MYH15: variants seen among roughly 807,000 people sequenced by gnomAD.
MYH15 encodes myosin heavy chain 15, also known as myosin-15.
A neutral mutation model predicts 240.5 loss-of-function variants in MYH15; 227 were observed. That is an observed-to-expected ratio of 0.94 (90% CI 0.85 to 1.05). The LOEUF is 1.05. MYH15 is among the 50% of genes least tolerant of loss of function. The pLI is 0.00. For synonymous variants in MYH15, 785 were observed against 796.7 expected (o/e 0.99, Z 0.25); for missense variants, 2,217 against 2,247.5 (o/e 0.99, Z 0.27).
chr3:108,442,256 C>A (rs752324148), intron 22 of MYH15, among the ~76,000 whole-genome samples: 1 of 152,200 alleles, frequency 6.6e-6, no homozygotes, highest in South Asian at 2.1e-4. Flanking sequence ...AGGTAAAAAT[C>A]CAGGCTATTG....
chr3:108,507,254 T>TAG (rs2083485189), intron 1 of MYH15, among the ~76,000 whole-genome samples: 1 of 46,964 alleles, frequency 2.1e-5, no homozygotes, highest in Non-Finnish European at 6.1e-5. Flanking sequence ...TATATATATA[T>TAG]ATATATATAT....
At chr3:108,412,925 T>C (rs931146368) in intron 30 of MYH15, among the ~76,000 whole-genome samples, 7 of 152,372 alleles carry the variant, frequency 4.6e-5, no homozygotes, top group African/African-American at 1.7e-4. Flanking sequence ...GACAAAGTTT[T>C]ATTTATTCTA....
intron 18 of MYH15, 90 bp downstream of exon 18, chr3:108,459,272 G>A: frequency 1.2e-6 from 1 of 805,104 alleles, no homozygotes. Context: ...TATATAAAAG[G>A]CACCAATAAA....
intron 1 of MYH15, among the ~76,000 whole-genome samples, chr3:108,529,044 T>A (rs147071614): frequency 0.012 from 1,809 of 152,290 alleles, 40 homozygotes; most frequent in African/African-American, 0.042. Context: ...TGAAATCACA[T>A]GAAGTGTTTT....
chr3:108,437,425 A>T, intron 25 of MYH15, 129 bp downstream of exon 25: 1 of 1,215,788 alleles, frequency 8.2e-7, no homozygotes, highest in Non-Finnish European at 1.1e-6. Context: ...ATTGTTTCCT[A>T]GGCTTGTTAT....
chr3:108,405,504 T>C (rs769432205), intron 32 of MYH15, 51 bp from the exon 33 acceptor site: 15 of 1,216,676 alleles, frequency 1.2e-5, no homozygotes, highest in Middle Eastern at 2.2e-4. Flanking sequence ...TTAGACAAAA[T>C]TGTATTTTTT....
rs759703539 is a variant in MYH15, at chr3:108,405,308, A to C, written c.4736+30T>G. ...TTAGTCAAGGATTCAGAAATACATAATTGTTACACATCAAAATCATCTTAA... is the reference window on the plus strand; with the variant it reads ...TTAGTCAAGGATTCAGAAATACATACTTGTTACACATCAAAATCATCTTAA... On this transcript the variant is annotated intron_variant, in intron 33 of 40. Transcript: ENST00000693548. 8 of 1,317,672 alleles carry C rather than the reference A, an allele frequency of 6.1e-6. No homozygotes were observed. In the Admixed American group the frequency reaches 1.4e-4, roughly 24 times the overall value. The allele number at this position is 1,317,672 out of a possible 1,614,324, so 81.6% of individuals were successfully genotyped here.
In MYH15 at chr3:108,428,608, C is replaced by A; in HGVS notation, c.3586G>T (p.Glu1196Ter). 1 of 1,613,856 alleles carries A rather than the reference C, an allele frequency of 6.2e-7. No homozygotes were observed. Among genetic ancestry groups the A allele is most frequent in the Non-Finnish European group, 8.5e-7 (1 of 1,179,998 alleles). ...TGCTGTAGATTTTCTACCTGGCCCT[C>A]GAGCTCAGCCAGGCTGTCTGCATGT... ...KRHADSLAELEGQVENLQQVK... is the reference protein window; with the variant it reads ...KRHADSLAEL The change falls in exon 27 of 41, where the codon GAG becomes TAG. Residue 1196 changes from glutamate to a stop codon, truncating the protein, a stop_gained. Coordinates refer to ENST00000693548, the MANE Select transcript of MYH15 (RefSeq NM_014981.3). LOFTEE classifies it high-confidence loss of function.
chr3:108,389,059 C>T lies in MYH15; in HGVS notation c.5446G>A (p.Gly1816Ser), dbSNP rs752875083. 7 of 1,613,802 alleles carry T rather than the reference C, an allele frequency of 4.3e-6. No individual in the cohort carries two copies. Among genetic ancestry groups the T allele is most frequent in the Non-Finnish European group, 5.1e-6 (6 of 1,179,872 alleles). ...KLESRVRELE[G>S]ELEGEIRRSA... ...CGACGGATTTCACCCTCCAGTTCAC[C>T]TTCCAGTTCACGAACCTGCAACCAA... is the stretch of plus-strand genomic sequence containing the variant. The change falls in exon 38 of 41, where the codon GGT becomes AGT. Residue 1816 changes from glycine to serine, a missense_variant. Physicochemically the swap from Gly to Ser is moderately conservative, Grantham distance 56. Transcript: ENST00000693548.
In MYH15 at chr3:108,524,000, A is replaced by G. The variant is rs565610925; in HGVS notation, c.-58+5263T>C. 2.2e-4 allele frequency among the ~76,000 whole-genome samples: 34 copies of G among 152,106 alleles called. No individual in the cohort carries two copies. In the East Asian group the frequency reaches 6.4e-3, roughly 28 times the overall value. ...TCCAGAGGTTTTTTGCCGTTATAAA[A>G]AAATGTAATCAGCATCCTTGTACGT... is the stretch of plus-strand genomic sequence containing the variant. On this transcript the variant is annotated intron_variant, in intron 1 of 41. Transcript: ENST00000273353.
chr3:108,406,342 T>C (rs1433187806), intron 32 of MYH15, among the ~76,000 whole-genome samples: 1 of 152,058 alleles, frequency 6.6e-6, no homozygotes, highest in Non-Finnish European at 1.5e-5. Context: ...TATGACAAAA[T>C]GTAAAAAAGT....
rs181906852 is a variant in MYH15 at position 108,424,362 on chromosome 3, G to T, written c.3703-3148C>A. Among the ~76,000 whole-genome samples, 7 of 152,284 alleles carry T rather than the reference G, an allele frequency of 4.6e-5. No homozygotes were observed. The East Asian group carries it at 1.3e-3, about 29-fold the overall frequency. ...TAAAGTATTTTCATAAACAGGATCT[G>T]CAAAAAGACAATTAGATTGTTTATC... On this transcript the variant is annotated intron_variant, in intron 27 of 40. Coordinates refer to ENST00000693548, the MANE Select transcript of MYH15 (RefSeq NM_014981.3).
the MYH15 span, among the ~76,000 whole-genome samples, chr3:108,536,905 G>T: frequency 6.6e-6 from 1 of 152,192 alleles, no homozygotes; most frequent in Admixed American, 6.5e-5. Context: ...GTTACTGTTT[G>T]AAAACAGATA....
At chr3:108,428,940 T>C in intron 26 of MYH15, 59 bp from the exon 27 acceptor site, 1 of 1,294,562 alleles carries the variant, frequency 7.7e-7, no homozygotes. Flanking sequence ...CTTTACTCTA[T>C]TTTTTTTTAA....
chr3:108,440,460 C>T (rs2082875902), intron 23 of MYH15, among the ~76,000 whole-genome samples: 1 of 152,148 alleles, frequency 6.6e-6, no homozygotes, highest in African/African-American at 2.4e-5. Flanking sequence ...ATTACGGTGT[C>T]ACTTTGGAGA....
chr3:108,464,652 G>A lies in MYH15; in HGVS notation c.1717C>T (p.His573Tyr), dbSNP rs202208116. The A allele has an allele frequency of 9.9e-6, 16 of 1,612,322 alleles. No individual in the cohort carries two copies. The highest frequency in any genetic ancestry group is 6.7e-5 in the East Asian group (3 of 44,840). Reference protein sequence around the residue: ...KKFEAHFELVHYAGVVPYNIS... With the variant: ...KKFEAHFELVYYAGVVPYNIS... ...AGGTAACTCACCACTCCTGCATAAT[G>A]GACAAGTTCAAAATGAGCTTCAAAT... The change falls in exon 15 of 41, where the codon CAT (histidine) becomes TAT (tyrosine). Residue 573 changes from histidine (H) to tyrosine (Y), a missense_variant. His to Tyr is a moderately conservative substitution (Grantham distance 83, BLOSUM62 2). Transcript: ENST00000693548.
At chr3:108,538,607 A>T in the MYH15 span, among the ~76,000 whole-genome samples, 2 of 152,212 alleles carry the variant, frequency 1.3e-5, no homozygotes, top group Admixed American at 1.3e-4. Context: ...GCTGTAATGA[A>T]GTGACAGAGA....
intron 37 of MYH15, among the ~76,000 whole-genome samples, chr3:108,390,813 A>C (rs9857197): frequency 0.013 from 1,978 of 152,280 alleles, 23 homozygotes; most frequent in African/African-American, 0.045. Context: ...TTTTAATTAT[A>C]AAGTATGCAA....
At chr3:108,408,224 T>A in intron 32 of MYH15, 56 bp downstream of exon 32, 2 of 1,563,952 alleles carry the variant, frequency 1.3e-6, no homozygotes, top group Admixed American at 3.7e-5. Context: ...TATTGCTGAA[T>A]GCAGATCTTC....
Sources: gnomAD v4.1 joint callset for allele counts (sites outside exome capture counted in the v4.1 genomes callset) on GRCh38, gnomAD v4.1.1 for gene constraint, MANE v1.5 for transcripts, NCBI Gene and HGNC (gene_info 2026-07-23, HGNC 2026-07-21) for gene names.